The following SPECC1L variants were observed in gnomAD, a reference collection of about 807,000 sequenced individuals.
The protein encoded by SPECC1L is cytospin-A.
SPECC1L carries 40 observed loss-of-function variants against 116.8 expected under a neutral mutation model. That is an observed-to-expected ratio of 0.34 (90% CI 0.27 to 0.45). SPECC1L has a LOEUF of 0.45. SPECC1L is among the 20% of genes least tolerant of loss of function. The probability of loss-of-function intolerance (pLI) is 1.00; values close to 1 mark genes in which losing one functional copy is unlikely to be tolerated. For synonymous variants in SPECC1L, 504 were observed against 500.6 expected (o/e 1.01, Z -0.09); for missense variants, 1,110 against 1,373.6 (o/e 0.81, Z 3.03).
At chr22:24,272,907 G>A (rs571748746) in intron 1 of SPECC1L, among the ~76,000 whole-genome samples, 4 of 152,254 alleles carry the variant, frequency 2.6e-5, no homozygotes, top group African/African-American at 9.6e-5. Flanking sequence ...GCTTCCTAAT[G>A]GTTGCAGGTG....
chr22:24,370,708 T>A (rs1490566737), intron 14 of SPECC1L, among the ~76,000 whole-genome samples: 1 of 152,170 alleles, frequency 6.6e-6, no homozygotes, highest in Non-Finnish European at 1.5e-5. Flanking sequence ...ATAAACAACC[T>A]GTGGTATATA....
chr22:24,304,456 A>G (rs1380539849), intron 3 of SPECC1L: 2 of 152,236 alleles, frequency 1.3e-5, no homozygotes, highest in Non-Finnish European at 2.9e-5. Context: ...GCTCACAGTG[A>G]GTTTTGGAGA....
chr22:24,338,042 G>A (rs2041097363), intron 9 of SPECC1L, among the ~76,000 whole-genome samples: 1 of 152,148 alleles, frequency 6.6e-6, no homozygotes, highest in Non-Finnish European at 1.5e-5. Context: ...ACCTGATATA[G>A]TTATGTAAAT....
chr22:24,317,067 G>A (rs1316020888), intron 4 of SPECC1L, among the ~76,000 whole-genome samples: 1 of 120,040 alleles, frequency 8.3e-6, no homozygotes, highest in African/African-American at 2.9e-5. Flanking sequence ...CGGAGGGGGT[G>A]GCTGGCCGGG....
intron 2 of SPECC1L, among the ~76,000 whole-genome samples, chr22:24,288,688 T>A (rs553789565): frequency 7.2e-6 from 1 of 139,126 alleles, no homozygotes; most frequent in African/African-American, 2.7e-5. Flanking sequence ...TGCAATGGCG[T>A]GATCTTGGCT....
In SPECC1L at chr22:24,324,226, G is replaced by A; in HGVS notation, c.1945G>A (p.Asp649Asn). The change falls in exon 6 of 17, where the codon GAT becomes AAT. Residue 649 changes from aspartate to asparagine, a missense_variant. Asp to Asn is a conservative substitution (Grantham distance 23). Transcript: ENST00000314328. ...RLQDAIAKVE[D>N]EYRAFQEEAK... ...CATCGTCAATTTTACGTAGGTAGAG[G>A]ATGAATACCGAGCCTTCCAAGAAGA... 6.2e-7 allele frequency: 1 copy of A among 1,613,666 alleles called. No homozygotes were observed. The highest frequency in any genetic ancestry group is 8.5e-7 in the Non-Finnish European group (1 of 1,179,758).
At chr22:24,412,153 G>C (rs376721466) in intron 15 of SPECC1L, 3 of 349,842 alleles carry the variant, frequency 8.6e-6, no homozygotes, top group South Asian at 7.1e-5. Flanking sequence ...CCAGGGCATG[G>C]TTTAATGTTT....
intron 14 of SPECC1L, among the ~76,000 whole-genome samples, chr22:24,385,225 G>A (rs1380483054): frequency 6.6e-6 from 1 of 151,696 alleles, no homozygotes; most frequent in East Asian, 1.9e-4. Context: ...TATTAGCAAA[G>A]TAATAAAAGA....
At chr22:24,358,307 T>C (rs1431334290) in intron 11 of SPECC1L, among the ~76,000 whole-genome samples, 1 of 151,944 alleles carries the variant, frequency 6.6e-6, no homozygotes, top group Non-Finnish European at 1.5e-5. Flanking sequence ...GGGGTCTTGC[T>C]GTGTTGCCCA....
At chr22:24,384,657 C>T (rs1332795970) in intron 14 of SPECC1L, among the ~76,000 whole-genome samples, 1 of 152,218 alleles carries the variant, frequency 6.6e-6, no homozygotes, top group African/African-American at 2.4e-5. Context: ...TCTAGGGCTA[C>T]ACTCTGCTAC....
chr22:24,274,667 T>C (rs2048796738), intron 1 of SPECC1L, among the ~76,000 whole-genome samples: 2 of 152,264 alleles, frequency 1.3e-5, no homozygotes, highest in South Asian at 4.1e-4. Context: ...TTCTGTCCTT[T>C]ATTTTTTGGT....
At chr22:24,409,372 T>C (rs2042649490) in intron 14 of SPECC1L, among the ~76,000 whole-genome samples, 1 of 152,182 alleles carries the variant, frequency 6.6e-6, no homozygotes, top group South Asian at 2.1e-4. Flanking sequence ...CTTGTTCAGC[T>C]TGTGGTGTCT....
At chr22:24,328,996 T>C in intron 7 of SPECC1L, 77 bp downstream of exon 7, 2 of 1,113,098 alleles carry the variant, frequency 1.8e-6, no homozygotes. Flanking sequence ...GACCATGTTA[T>C]CATTCATCTT....
At chr22:24,367,667 G>A (rs549594876) in intron 13 of SPECC1L, among the ~76,000 whole-genome samples, 22 of 152,248 alleles carry the variant, frequency 1.4e-4, no homozygotes, top group Admixed American at 5.9e-4. Context: ...GGTTCTTAGA[G>A]CAATAAAAAT....
intron 11 of SPECC1L, among the ~76,000 whole-genome samples, chr22:24,355,249 C>T (rs979562273): frequency 7.1e-6 from 1 of 141,276 alleles, no homozygotes; most frequent in African/African-American, 2.6e-5. Flanking sequence ...TGCCACTGCA[C>T]TCCAGCTTGG....
intron 2 of SPECC1L, among the ~76,000 whole-genome samples, chr22:24,301,436 C>T (rs1045877511): frequency 6.6e-6 from 1 of 152,158 alleles, no homozygotes; most frequent in African/African-American, 2.4e-5. Context: ...GTTGAAAATA[C>T]GTTTATTATA....
intron 2 of SPECC1L, among the ~76,000 whole-genome samples, chr22:24,300,023 T>TA (rs1339562201): frequency 6.6e-6 from 1 of 152,196 alleles, no homozygotes; most frequent in African/African-American, 2.4e-5. Context: ...GTTCTTTATT[T>TA]AAAAAAGAAA....
At chr22:24,358,030 T>C (rs1437308913) in intron 11 of SPECC1L, among the ~76,000 whole-genome samples, 2 of 152,148 alleles carry the variant, frequency 1.3e-5, no homozygotes, top group Non-Finnish European at 2.9e-5. Context: ...ATGGCTCACT[T>C]TCTTTTTTCT....
chr22:24,411,792 A>C, intron 15 of SPECC1L, 88 bp downstream of exon 15: 1 of 1,089,530 alleles, frequency 9.2e-7, no homozygotes, highest in Non-Finnish European at 1.4e-6. Flanking sequence ...AGCAGGTCAC[A>C]TGCCACAGCG....
Sources: allele counts gnomAD v4.1 joint callset (sites outside exome capture counted in the v4.1 genomes callset), GRCh38; gene constraint gnomAD v4.1.1; transcripts MANE v1.5; gene names NCBI Gene and HGNC (gene_info 2026-07-23, HGNC 2026-07-21).